LNX1: variants seen among roughly 807,000 people sequenced by gnomAD.
The protein encoded by LNX1 is ligand of numb-protein X 1.
Under a neutral mutation model 68.4 loss-of-function variants are expected in LNX1, and 54 were observed. The ratio of observed to expected loss-of-function variants is 0.79; its 90% CI spans 0.63 to 0.99. LNX1 has a LOEUF of 0.99. Ranked by LOEUF, LNX1 falls within the 50% of genes least tolerant of loss-of-function variation. The pLI is 0.00. For synonymous variants in LNX1, 336 were observed against 350.0 expected, an observed-to-expected ratio of 0.96 and a Z score of 0.45; for missense variants, 906 against 926.4, an observed-to-expected ratio of 0.98 and a Z score of 0.29.
chr4:53,602,411 T>G (rs1478135463), intron 2 of LNX1, among the ~76,000 whole-genome samples: 2 of 152,124 alleles, frequency 1.3e-5, no homozygotes, highest in Non-Finnish European at 2.9e-5. Context: ...TGGGCCAACA[T>G]CAGCTGTCAG....
intron 5 of LNX1, 181 bp from the exon 6 acceptor site, chr4:53,496,575 G>GCAA: frequency 1.5e-6 from 1 of 680,998 alleles, no homozygotes; most frequent in Non-Finnish European, 2.4e-6. Context: ...TCCAAGCGTG[G>GCAA]CCTGCAGCAC....
chr4:53,553,455 CT>C (rs1413997249), intron 2 of LNX1, among the ~76,000 whole-genome samples: 1 of 152,172 alleles, frequency 6.6e-6, no homozygotes, highest in Non-Finnish European at 1.5e-5. Flanking sequence ...AACTCCACCC[CT>C]ACTTCTGATA....
chr4:53,634,402 C>T (rs1734387352), intron 1 of LNX1, among the ~76,000 whole-genome samples: 1 of 151,750 alleles, frequency 6.6e-6, no homozygotes. Context: ...CGCTGCCAGA[C>T]CTGGCTAACT....
chr4:53,651,754 C>A (rs986391482), intron 1 of LNX1, among the ~76,000 whole-genome samples: 2 of 152,154 alleles, frequency 1.3e-5, no homozygotes, highest in Admixed American at 6.5e-5. Context: ...TGGAATGAAA[C>A]AAAGTCTGTG....
intron 2 of LNX1, among the ~76,000 whole-genome samples, chr4:53,605,326 G>T (rs1577786622): frequency 6.6e-6 from 1 of 152,056 alleles, no homozygotes; most frequent in African/African-American, 2.4e-5. Context: ...CAAATTTAAG[G>T]TGTATAATGT....
At chr4:53,548,559 C>A (rs992671486) in intron 2 of LNX1, among the ~76,000 whole-genome samples, 2 of 152,150 alleles carry the variant, frequency 1.3e-5, no homozygotes, top group South Asian at 2.1e-4. Flanking sequence ...CATTAGAATA[C>A]TTATACACTG....
chr4:53,460,729 A>AT lies in LNX1; in HGVS notation c.*177dup. 1.7e-6 allele frequency: 1 copy of AT among 593,918 alleles called. No individual in the cohort carries two copies. Among genetic ancestry groups the AT allele is most frequent in the Non-Finnish European group, 2.8e-6 (1 of 356,588 alleles). 36.8% of individuals were successfully genotyped at this position (593,918 alleles called of 1,614,324 possible). ...CACTGAAAAAAAACTAGTAGTTTTAATTTTTTTGGAATCATATTTTCTGAG... is the reference window on the plus strand; with the variant it reads ...CACTGAAAAAAAACTAGTAGTTTTAATTTTTTTTGGAATCATATTTTCTGAG... On this transcript the variant is annotated 3_prime_UTR_variant, in exon 11 of 11. Coordinates refer to ENST00000263925, the MANE Select transcript of LNX1 (RefSeq NM_001126328.3).
intron 9 of LNX1, among the ~76,000 whole-genome samples, chr4:53,470,842 A>G (rs1723110415): frequency 6.6e-6 from 1 of 152,020 alleles, no homozygotes. Context: ...ATAAAATAGG[A>G]TACAAACAAA....
In LNX1 at chr4:53,507,836, C is replaced by T. The variant is rs1726019774; in HGVS notation, c.622+150G>A. 30 of 1,038,330 alleles carry T rather than the reference C, an allele frequency of 2.9e-5. No individual in the cohort carries two copies. In the Middle Eastern group the frequency reaches 9.5e-4, roughly 33 times the overall value. 64.3% of individuals were successfully genotyped at this position (1,038,330 alleles called of 1,614,324 possible). ...TGGAGGTACTTGCGGTTTCATTTCA[C>T]TTTGGCGAATTGGACATTGGGTTCC... On this transcript the variant is annotated intron_variant, in intron 3 of 10. Transcript: ENST00000263925.
At chr4:53,480,095 T>A (rs1441409725) in intron 7 of LNX1, among the ~76,000 whole-genome samples, 1 of 152,250 alleles carries the variant, frequency 6.6e-6, no homozygotes, top group East Asian at 1.9e-4. Flanking sequence ...CTCTTATTTT[T>A]AAAAAGCTAC....
At chr4:53,579,718 A>G (rs1341468911) in intron 1 of LNX1, among the ~76,000 whole-genome samples, 4 of 152,272 alleles carry the variant, frequency 2.6e-5, no homozygotes, top group African/African-American at 9.6e-5. Flanking sequence ...CATCAGAACA[A>G]TGGGATCCTT....
At chr4:53,558,119 T>C in intron 2 of LNX1, 2 of 1,440,236 alleles carry the variant, frequency 1.4e-6, no homozygotes, top group Non-Finnish European at 1.8e-6. Context: ...GCCACGTTAA[T>C]AAATCACGGG....
chr4:53,594,692 ACTTTCTTTTCTTT>A (rs763139344), upstream of LNX1, among the ~76,000 whole-genome samples: 1 of 151,478 alleles, frequency 6.6e-6, no homozygotes, highest in Non-Finnish European at 1.5e-5. Context: ...TTACTTTCTT[ACTTTCTTTTCTTT>A]CTTTCTTTTT....
intron 1 of LNX1, among the ~76,000 whole-genome samples, chr4:53,585,688 C>A (rs1560682038): frequency 6.6e-6 from 1 of 152,072 alleles, no homozygotes; most frequent in Non-Finnish European, 1.5e-5. Context: ...GAATTATGCA[C>A]CCACAAGCTA....
intron 1 of LNX1, among the ~76,000 whole-genome samples, chr4:53,583,923 AC>A (rs1415839330): frequency 1.4e-5 from 2 of 141,276 alleles, no homozygotes; most frequent in African/African-American, 5.4e-5. Context: ...AATAGAACTG[AC>A]CCCCTGCAAA....
At chr4:53,564,901 A>G (rs1730548990) in intron 2 of LNX1, among the ~76,000 whole-genome samples, 2 of 152,152 alleles carry the variant, frequency 1.3e-5, no homozygotes, top group East Asian at 3.9e-4. Context: ...AGCACCGGGA[A>G]AATCAGGTCA....
upstream of LNX1, among the ~76,000 whole-genome samples, chr4:53,621,872 C>A (rs187310811): frequency 1.9e-3 from 284 of 152,138 alleles, no homozygotes; most frequent in South Asian, 3.3e-3. Flanking sequence ...TTCATTTCAC[C>A]CCCACCGGAT....
At chr4:53,606,471 C>G (rs1733238115) in intron 2 of LNX1, among the ~76,000 whole-genome samples, 1 of 97,522 alleles carries the variant, frequency 1.0e-5, no homozygotes. Context: ...AACAAACAAA[C>G]AAACAAAAAA....
At chr4:53,503,881 C>G (rs953251732) in intron 4 of LNX1, among the ~76,000 whole-genome samples, 2 of 152,194 alleles carry the variant, frequency 1.3e-5, no homozygotes, top group Non-Finnish European at 2.9e-5. Context: ...CACCTGTAAT[C>G]CTAGCACTTT....
Sources: allele counts gnomAD v4.1 joint callset (sites outside exome capture counted in the v4.1 genomes callset), GRCh38; gene constraint gnomAD v4.1.1; transcripts MANE v1.5; gene names NCBI Gene and HGNC (gene_info 2026-07-23, HGNC 2026-07-21).